DLGAP2: variants seen among roughly 807,000 people sequenced by gnomAD.
DLGAP2 encodes the protein disks large-associated protein 2.
Under a neutral mutation model 100.3 loss-of-function variants are expected in DLGAP2, and 26 were observed. The ratio of observed to expected loss-of-function variants is 0.26; its 90% confidence interval spans 0.19 to 0.36. The LOEUF (loss-of-function observed/expected upper bound fraction) is 0.36, where lower values mean the gene tolerates loss of function less well. DLGAP2 is among the 10% of genes least tolerant of loss of function. DLGAP2 has a pLI of 1.00. For synonymous variants in DLGAP2, 886 were observed against 630.1 expected, an observed-to-expected ratio of 1.41 and a Z score of -6.08; for missense variants, 1,858 against 1,453.2, an observed-to-expected ratio of 1.28 and a Z score of -4.53.
chr8:1,228,902 C>G (rs1217807702), intron 2 of DLGAP2, among the ~76,000 whole-genome samples: 1 of 152,048 alleles, frequency 6.6e-6, no homozygotes, highest in Non-Finnish European at 1.5e-5. Context: ...TACTTCTATT[C>G]AACATTGTAC....
At chr8:1,599,093 C>A (rs1376085142) in intron 6 of DLGAP2, among the ~76,000 whole-genome samples, 3 of 152,160 alleles carry the variant, frequency 2.0e-5, no homozygotes, top group Non-Finnish European at 4.4e-5. Context: ...TTCCAAAGAA[C>A]TTATTTATTT....
intron 6 of DLGAP2, among the ~76,000 whole-genome samples, chr8:1,606,817 G>C (rs1254066394): frequency 6.6e-6 from 1 of 152,092 alleles, no homozygotes; most frequent in Admixed American, 6.6e-5. Flanking sequence ...CCAAGTAGCT[G>C]GGTCCACAGA....
At chr8:1,373,509 CAA>C (rs924986592) in intron 3 of DLGAP2, among the ~76,000 whole-genome samples, 1 of 152,222 alleles carries the variant, frequency 6.6e-6, no homozygotes, top group Non-Finnish European at 1.5e-5. Flanking sequence ...CGTCTGCCCA[CAA>C]AGAGGGCAGT....
intron 2 of DLGAP2, among the ~76,000 whole-genome samples, chr8:932,592 G>A (rs1007793509): frequency 1.4e-4 from 21 of 152,152 alleles, no homozygotes; most frequent in African/African-American, 4.6e-4. Flanking sequence ...TTATGAAAAT[G>A]CCATTGGTTT....
chr8:1,499,551 T>C (rs1474481832), intron 3 of DLGAP2, among the ~76,000 whole-genome samples: 2 of 152,242 alleles, frequency 1.3e-5, no homozygotes, highest in Non-Finnish European at 2.9e-5. Context: ...TTTTATGTTA[T>C]ACTTAATGTG....
At chr8:1,228,202 A>G (rs552708424) in intron 2 of DLGAP2, among the ~76,000 whole-genome samples, 1 of 152,174 alleles carries the variant, frequency 6.6e-6, no homozygotes, top group Admixed American at 6.5e-5. Flanking sequence ...CGTTGTGCAC[A>G]TGTACCCTAG....
chr8:1,490,649 C>G (rs369457508), intron 3 of DLGAP2, among the ~76,000 whole-genome samples: 8 of 152,258 alleles, frequency 5.3e-5, no homozygotes, highest in African/African-American at 1.9e-4. Context: ...TGTTCTTCCT[C>G]CCTTATTGGT....
At chr8:993,955 A>G (rs1008575466) in intron 2 of DLGAP2, among the ~76,000 whole-genome samples, 3 of 151,886 alleles carry the variant, frequency 2.0e-5, no homozygotes, top group African/African-American at 4.8e-5. Context: ...TTGGTTTGTA[A>G]TTGTGGAGTA....
chr8:1,203,423 T>TGGCGTGTCCTTCGGTGACAAGGCC, intron 2 of DLGAP2, among the ~76,000 whole-genome samples: 2 of 152,158 alleles, frequency 1.3e-5, no homozygotes, highest in East Asian at 1.9e-4. Flanking sequence ...CCCATGAGAC[T>TGGCGTGTCCTTCGGTGACAAGGCC]GATGACCCTG....
chr8:1,093,605 A>T (rs1804261376), intron 2 of DLGAP2, among the ~76,000 whole-genome samples: 1 of 152,078 alleles, frequency 6.6e-6, no homozygotes, highest in Admixed American at 6.6e-5. Context: ...TGACAGACAG[A>T]AACACCTTCA....
chr8:1,242,827 G>A (rs755251644), intron 2 of DLGAP2, among the ~76,000 whole-genome samples: 11 of 151,956 alleles, frequency 7.2e-5, no homozygotes, highest in Non-Finnish European at 1.3e-4. Flanking sequence ...CAGATGGACC[G>A]ATGGATAGAT....
chr8:909,880 T>A (rs1445425910), intron 2 of DLGAP2, among the ~76,000 whole-genome samples: 1 of 152,226 alleles, frequency 6.6e-6, no homozygotes, highest in Non-Finnish European at 1.5e-5. Context: ...GGAGATCTTG[T>A]TTGGAAATGT....
rs144592255 is a variant in DLGAP2 at position 1,537,736 on chromosome 8, A to T, written c.173-10890A>T. On this transcript the variant is annotated intron_variant, in intron 4 of 14. Transcript: ENST00000637795. ...ATGGATGGATGAAAGGATGGAAGGA[A>T]GGAAGGAAGGAAGGAAGGAAGGAAG... 1.5e-4 allele frequency among the ~76,000 whole-genome samples: 8 copies of T among 52,656 alleles called. 1 individual carries two copies. Among genetic ancestry groups the T allele is most frequent in the African/African-American group, 3.8e-4 (6 of 15,856 alleles). 34.5% of individuals were successfully genotyped at this position (52,656 alleles called of 152,430 possible). A position where few individuals can be genotyped will look rare whatever the true frequency, so the allele number is the denominator to read the frequency against.
intron 2 of DLGAP2, among the ~76,000 whole-genome samples, chr8:1,008,190 AGATC>A (rs1801176348): frequency 1.3e-5 from 2 of 152,272 alleles, no homozygotes; most frequent in Admixed American, 1.3e-4. Flanking sequence ...TTCAAGGTCA[AGATC>A]TTGATAAAAG....
intron 2 of DLGAP2, among the ~76,000 whole-genome samples, chr8:1,127,028 C>G (rs959797439): frequency 6.7e-6 from 1 of 149,672 alleles, no homozygotes. Flanking sequence ...ACCCTGTCCC[C>G]AGCCCAGCTC....
intron 2 of DLGAP2, chr8:1,104,772 C>G (rs999967318): frequency 6.6e-6 from 1 of 152,166 alleles, no homozygotes; most frequent in Non-Finnish European, 1.5e-5. Flanking sequence ...CGAGGCCTGT[C>G]AGCGAGGCAG....
At position 1,234,018 on chromosome 8, in the gene DLGAP2, A is replaced by G. The variant is rs112983068; in HGVS notation, c.74-24833A>G. On this transcript the variant is annotated intron_variant, in intron 2 of 14. Coordinates refer to ENST00000637795, the MANE Select transcript of DLGAP2 (RefSeq NM_001346810.2). ...CTTCATGGTGACTGATCTGTTGGTG[A>G]CTGCTAATGGCACTATTGAAAGGCC... Among the ~76,000 whole-genome samples the G allele has an allele frequency of 4.1e-3, 620 of 152,326 alleles. 1 individual carries two copies. The highest frequency in any genetic ancestry group is 7.3e-3 in the Non-Finnish European group (498 of 68,038).
chr8:997,500 A>G (rs1037344769), intron 2 of DLGAP2, among the ~76,000 whole-genome samples: 12 of 152,206 alleles, frequency 7.9e-5, no homozygotes, highest in Non-Finnish European at 1.5e-4. Flanking sequence ...ACCATCATTC[A>G]CTACCAAACA....
At chr8:985,110 A>G (rs1311901954) in intron 2 of DLGAP2, among the ~76,000 whole-genome samples, 1 of 152,222 alleles carries the variant, frequency 6.6e-6, no homozygotes, top group Non-Finnish European at 1.5e-5. Context: ...CTTGACAGTG[A>G]TCATGCCAGA....
Sources: gnomAD v4.1 joint callset for allele counts (sites outside exome capture counted in the v4.1 genomes callset) on GRCh38, gnomAD v4.1.1 for gene constraint, MANE v1.5 for transcripts, NCBI Gene and HGNC (gene_info 2026-07-23, HGNC 2026-07-21) for gene names.